WWOX: variants seen among roughly 807,000 people sequenced by gnomAD.
The protein encoded by WWOX is WW domain containing oxidoreductase.
WWOX carries 69 observed loss-of-function variants against 46.2 expected under a neutral mutation model. The ratio of observed to expected loss-of-function variants is 1.49; its 90% CI spans 1.23 to 1.82. The LOEUF (loss-of-function observed/expected upper bound fraction) is 1.82, where lower values mean the gene tolerates loss of function less well. Ranked by LOEUF, WWOX falls within the 40% of genes most tolerant of loss-of-function variation. The pLI, the probability that WWOX is intolerant of heterozygous loss-of-function variation, is 0.00. For missense variants in WWOX, 919 were observed against 542.6 expected (o/e 1.69, Z -6.89); for synonymous variants, 359 against 202.6 (o/e 1.77, Z -6.56).
At chr16:78,431,353 C>G (rs2083212905) in intron 7 of WWOX, among the ~76,000 whole-genome samples, 1 of 152,064 alleles carries the variant, frequency 6.6e-6, no homozygotes, top group African/African-American at 2.4e-5. Flanking sequence ...GGTTATAACC[C>G]CTTTATAATC....
chr16:78,737,448 TTTA>T (rs1412571596), intron 8 of WWOX, among the ~76,000 whole-genome samples: 1 of 152,158 alleles, frequency 6.6e-6, no homozygotes, highest in East Asian at 1.9e-4. Flanking sequence ...TATATATGTA[TTTA>T]TTAAGTTTGG....
At chr16:78,771,765 C>G (rs1401291333) in intron 8 of WWOX, among the ~76,000 whole-genome samples, 3 of 134,560 alleles carry the variant, frequency 2.2e-5, no homozygotes, top group South Asian at 2.6e-4. Flanking sequence ...GAGTAAGACT[C>G]TGTCTCACAA....
chr16:79,002,687 A>AC (rs2047117566), intron 8 of WWOX, among the ~76,000 whole-genome samples: 2 of 152,156 alleles, frequency 1.3e-5, no homozygotes, highest in Admixed American at 1.3e-4. Flanking sequence ...GCAAACTGGG[A>AC]CAGAGGGACT....
At chr16:78,590,274 G>T (rs148532692) in intron 8 of WWOX, among the ~76,000 whole-genome samples, 424 of 152,250 alleles carry the variant, frequency 2.8e-3, no homozygotes, top group African/African-American at 9.7e-3. Flanking sequence ...TCTGGTGAGG[G>T]CTGCTTTCTA....
At chr16:78,925,818 G>C (rs758888563) in intron 8 of WWOX, among the ~76,000 whole-genome samples, 2 of 152,210 alleles carry the variant, frequency 1.3e-5, no homozygotes, top group Non-Finnish European at 2.9e-5. Flanking sequence ...GAGGTAAAGA[G>C]CCTCGCTGAA....
intron 8 of WWOX, among the ~76,000 whole-genome samples, chr16:79,140,385 C>T (rs1016453033): frequency 1.3e-5 from 2 of 152,144 alleles, no homozygotes; most frequent in Non-Finnish European, 2.9e-5. Context: ...CCGCAGCATC[C>T]GCCAGCTCTT....
chr16:78,645,088 C>T (rs1043498034), intron 8 of WWOX, among the ~76,000 whole-genome samples: 1 of 152,104 alleles, frequency 6.6e-6, no homozygotes, highest in South Asian at 2.1e-4. Flanking sequence ...CTTCTCTAAA[C>T]CCCAAGGCTA....
rs73576814 is a variant in WWOX at position 78,474,900 on chromosome 16, T to G, written c.1056+42148T>G. On this transcript the variant is annotated intron_variant, in intron 8 of 8. Coordinates refer to ENST00000566780, the MANE Select transcript of WWOX (RefSeq NM_016373.4). ...TGTTTTCAAGATACTGCACCTAATT[T>G]TTCAGTTCCTTGTTTTTTCTTACAA... 1.9e-3 allele frequency among the ~76,000 whole-genome samples: 295 copies of G among 152,322 alleles called. 1 individual carries two copies. The highest frequency in any genetic ancestry group is 6.8e-3 in the African/African-American group (283 of 41,562).
intron 5 of WWOX, among the ~76,000 whole-genome samples, chr16:78,312,323 CAAGT>C (rs910317163): frequency 3.3e-5 from 5 of 150,852 alleles, no homozygotes; most frequent in Non-Finnish European, 5.9e-5. Context: ...TTGAAAACTT[CAAGT>C]AAGGAAACAC....
At chr16:78,525,955 A>G (rs1337478184) in intron 8 of WWOX, 1 of 152,186 alleles carries the variant, frequency 6.6e-6, no homozygotes, top group Non-Finnish European at 1.5e-5. Context: ...TTTGATTGGA[A>G]CATTGTATTT....
At chr16:79,178,734 C>T (rs928058239) in intron 8 of WWOX, among the ~76,000 whole-genome samples, 13 of 152,150 alleles carry the variant, frequency 8.5e-5, no homozygotes, top group Non-Finnish European at 1.2e-4. Context: ...AATGCTCTTC[C>T]TGGATGGGAG....
chr16:79,012,334 G>C (rs1431103805), intron 8 of WWOX, among the ~76,000 whole-genome samples: 1 of 152,072 alleles, frequency 6.6e-6, no homozygotes, highest in Admixed American at 6.6e-5. Flanking sequence ...CTGGATTCAA[G>C]TAATTCTCCT....
At chr16:78,596,029 A>T (rs539433213) in intron 8 of WWOX, among the ~76,000 whole-genome samples, 3 of 152,204 alleles carry the variant, frequency 2.0e-5, no homozygotes, top group Non-Finnish European at 4.4e-5. Context: ...TGGTAGGAAG[A>T]TGAGAAGTTT....
At chr16:78,174,437 C>G (rs1405639631) in intron 5 of WWOX, among the ~76,000 whole-genome samples, 2 of 152,158 alleles carry the variant, frequency 1.3e-5, no homozygotes, top group South Asian at 2.1e-4. Context: ...AGATATAATT[C>G]AAGTTGAGAT....
intron 8 of WWOX, among the ~76,000 whole-genome samples, chr16:78,531,452 A>G (rs1347259712): frequency 6.6e-6 from 1 of 152,182 alleles, no homozygotes; most frequent in African/African-American, 2.4e-5. Flanking sequence ...TTGCTCTCTA[A>G]TACTTTATTA....
intron 8 of WWOX, among the ~76,000 whole-genome samples, chr16:78,833,422 TCTC>T (rs56086314): frequency 0.12 from 17,322 of 150,260 alleles, 983 homozygotes; most frequent in East Asian, 0.21. Context: ...GGCCCAGCCA[TCTC>T]CTCCTCCTCC....
At position 78,264,005 on chromosome 16, in the gene WWOX, TTTTTTTTTTTG is replaced by T. The variant is rs1269401855; in HGVS notation, c.516+99724_516+99734del. Among the ~76,000 whole-genome samples the T allele has an allele frequency of 1.3e-4, 18 of 138,840 alleles. 1 individual carries two copies. The highest frequency in any genetic ancestry group is 3.6e-3 in the Middle Eastern group (1 of 276). The allele number at this position is 138,840 out of a possible 152,430, so 91.1% of individuals were successfully genotyped here. On this transcript the variant is annotated intron_variant, in intron 5 of 8. Coordinates refer to ENST00000566780, the MANE Select transcript of WWOX (RefSeq NM_016373.4). ...TGTTTGGCTGTGAAATCTTTTTTTT[TTTTTTTTTTTG>T]TTTTTTTGCTGTGGAGCGCAAAATG...
At chr16:78,530,695 A>AC (rs971030760) in intron 8 of WWOX, among the ~76,000 whole-genome samples, 2 of 152,182 alleles carry the variant, frequency 1.3e-5, no homozygotes, top group African/African-American at 4.8e-5. Flanking sequence ...TGGGGCCCTC[A>AC]CCACGGACCT....
In WWOX at chr16:78,728,055, C is replaced by CTTTTT. The variant is rs758484198; in HGVS notation, c.1056+295326_1056+295330dup. Among the ~76,000 whole-genome samples, 14 of 86,778 alleles carry CTTTTT rather than the reference C, an allele frequency of 1.6e-4. 1 individual carries two copies. The highest frequency in any genetic ancestry group is 5.3e-4 in the African/African-American group (9 of 16,964). The allele number at this position is 86,778 out of a possible 152,430, so 56.9% of individuals were successfully genotyped here. A position where few individuals can be genotyped will look rare whatever the true frequency, so the allele number is the denominator to read the frequency against. ...TTCCTCTTTCCTCTCTCCCTCCTTCCTTTTTTTTTTTTTTTTTTTTTTTTT... is the reference window on the plus strand; with the variant it reads ...TTCCTCTTTCCTCTCTCCCTCCTTCCTTTTTTTTTTTTTTTTTTTTTTTTTTTTTT... On this transcript the variant is annotated intron_variant, in intron 8 of 8. Coordinates refer to ENST00000566780, the MANE Select transcript of WWOX (RefSeq NM_016373.4).
Sources: gnomAD v4.1 joint callset for allele counts (sites outside exome capture counted in the v4.1 genomes callset) on GRCh38, gnomAD v4.1.1 for gene constraint, MANE v1.5 for transcripts, NCBI Gene and HGNC (gene_info 2026-07-23, HGNC 2026-07-21) for gene names.